Variants in PALD1 observed in about 807,000 individuals in gnomAD.
The protein encoded by PALD1 is paladin.
A neutral mutation model predicts 96.0 loss-of-function variants in PALD1; 57 were observed. That is an observed-to-expected ratio of 0.59 (90% CI 0.48 to 0.74). The LOEUF (loss-of-function observed/expected upper bound fraction) is 0.74, where lower values mean the gene tolerates loss of function less well. PALD1 is among the 30% of genes least tolerant of loss of function. The pLI, the probability that PALD1 is intolerant of heterozygous loss-of-function variation, is 0.00. For synonymous variants in PALD1, 464 were observed against 473.6 expected (o/e 0.98, Z 0.26); for missense variants, 1,063 against 1,143.7 (o/e 0.93, Z 1.02).
intron 1 of PALD1, among the ~76,000 whole-genome samples, chr10:70,479,745 C>G (rs1360565823): frequency 6.6e-6 from 1 of 152,198 alleles, no homozygotes; most frequent in African/African-American, 2.4e-5. Flanking sequence ...CATCTCTACT[C>G]TCCCAGCCAG....
intron 4 of PALD1, among the ~76,000 whole-genome samples, chr10:70,531,043 A>ACG (rs1846979591): frequency 6.6e-6 from 1 of 152,174 alleles, no homozygotes; most frequent in South Asian, 2.1e-4. Context: ...GCAGGAATTA[A>ACG]CGCCAAGAGA....
chr10:70,471,261 G>C, the PALD1 span, among the ~76,000 whole-genome samples: 1 of 152,204 alleles, frequency 6.6e-6, no homozygotes, highest in African/African-American at 2.4e-5. Flanking sequence ...ACTCAGCCTC[G>C]ATAGTATTAT....
chr10:70,491,513 G>A (rs1846098795), intron 1 of PALD1, among the ~76,000 whole-genome samples: 1 of 152,156 alleles, frequency 6.6e-6, no homozygotes, highest in East Asian at 1.9e-4. Context: ...GTAAACACAG[G>A]AGCAAACTTG....
intron 5 of PALD1, among the ~76,000 whole-genome samples, chr10:70,532,269 G>A (rs1331544830): frequency 6.6e-6 from 1 of 152,162 alleles, no homozygotes; most frequent in East Asian, 1.9e-4. Flanking sequence ...AGGCCATGCC[G>A]GCGCCCAGCT....
At position 70,534,451 on chromosome 10, in the gene PALD1, T is replaced by C. The variant is rs1847066257; in HGVS notation, c.1049T>C (p.Leu350Pro). 1 of 1,612,168 alleles carries C rather than the reference T, an allele frequency of 6.2e-7. No individual in the cohort carries two copies. Among genetic ancestry groups the C allele is most frequent in the Admixed American group, 1.7e-5 (1 of 59,800 alleles). The change falls in exon 9 of 20, where the codon CTG (leucine) becomes CCG (proline). Residue 350 changes from leucine (L) to proline (P), a missense_variant. Leu to Pro is a moderately conservative substitution (Grantham distance 98, BLOSUM62 -3). Transcript: ENST00000263563. ...PEAAPTQAKP[L>P]PMEQFQVIQS... ...GCTGCCCCCACGCAGGCCAAGCCCC[T>C]GCCTATGGAGCAGTTCCAGGTGATC...
chr10:70,537,423 AGG>A (rs1049980282), intron 10 of PALD1, among the ~76,000 whole-genome samples: 2 of 152,196 alleles, frequency 1.3e-5, no homozygotes, highest in Non-Finnish European at 2.9e-5. Context: ...TTCTTAAGGG[AGG>A]GCCTCTGGCT....
At chr10:70,528,138 C>T (rs1012722473) in intron 2 of PALD1, among the ~76,000 whole-genome samples, 7 of 116,682 alleles carry the variant, frequency 6.0e-5, no homozygotes, top group African/African-American at 1.9e-4. Flanking sequence ...ACATAGTATT[C>T]CATGGTGTAT....
Position 70,502,910 on chromosome 10 carries a change from C to T in PALD1, c.-29-23013C>T, listed in dbSNP as rs150830722. Among the ~76,000 whole-genome samples the T allele has an allele frequency of 8.5e-3, 1,287 of 152,060 alleles. 18 individuals are homozygous for T. The highest frequency in any genetic ancestry group is 0.029 in the African/African-American group (1,213 of 41,468). ...TCTCTTTTCTTTTCTTTTGGAGTTT[C>T]GCTCTTGTTGCCCAGGCTGCAGTGC... On this transcript the variant is annotated intron_variant, in intron 1 of 19. Transcript: ENST00000263563.
the PALD1 span, among the ~76,000 whole-genome samples, chr10:70,470,503 C>T: frequency 4.1e-5 from 1 of 24,116 alleles, no homozygotes. Flanking sequence ...TGTGTGTATA[C>T]AAGCCTATAA....
At chr10:70,477,477 C>T (rs1291080364), upstream of PALD1, among the ~76,000 whole-genome samples, 1 of 152,226 alleles carries the variant, frequency 6.6e-6, no homozygotes, top group Non-Finnish European at 1.5e-5. Context: ...TTCTCTGCTG[C>T]TGTCCTTTTC....
Position 70,529,870 on chromosome 10 carries a change from T to C in PALD1, c.289-19T>C. 5 of 1,611,700 alleles carry C rather than the reference T, an allele frequency of 3.1e-6. No individual in the cohort carries two copies. The highest frequency in any genetic ancestry group is 4.2e-6 in the Non-Finnish European group (5 of 1,178,586). The stretch of plus-strand genomic sequence containing the variant: ...CCCTGAGCCATCTGAGTGACCTTCC[T>C]GTGGCTCTCCCCTGCCAGGGCCGCT... On this transcript the variant is annotated intron_variant, in intron 3 of 19. Transcript: ENST00000263563.
At chr10:70,509,217 G>T in intron 1 of PALD1, among the ~76,000 whole-genome samples, 1 of 152,262 alleles carries the variant, frequency 6.6e-6, no homozygotes, top group Middle Eastern at 3.4e-3. Flanking sequence ...CCTAGTGTCC[G>T]TTGGGAAAGC....
At chr10:70,488,747 A>G (rs1189540926) in intron 1 of PALD1, among the ~76,000 whole-genome samples, 1 of 152,136 alleles carries the variant, frequency 6.6e-6, no homozygotes, top group African/African-American at 2.4e-5. Flanking sequence ...AGAGATGGGA[A>G]GAAGTCTTCC....
chr10:70,541,610 G>A lies in PALD1; in HGVS notation c.2121+76G>A, dbSNP rs149916206. On this transcript the variant is annotated intron_variant, in intron 17 of 19. Transcript: ENST00000263563. ...GAGGACTCCTGCTTGCCGGTCTAGGGGTCCTCAAAGCACGTCCCAATGCAG... is the reference window on the plus strand; with the variant it reads ...GAGGACTCCTGCTTGCCGGTCTAGGAGTCCTCAAAGCACGTCCCAATGCAG... 9.1e-4 allele frequency: 987 copies of A among 1,083,232 alleles called. 2 individuals carry two copies. Among genetic ancestry groups the A allele is most frequent in the Non-Finnish European group, 1.2e-3 (866 of 714,528 alleles). The allele number at this position is 1,083,232 out of a possible 1,614,324, so 67.1% of individuals were successfully genotyped here.
At chr10:70,518,200 C>G (rs1846655898) in intron 1 of PALD1, among the ~76,000 whole-genome samples, 1 of 152,216 alleles carries the variant, frequency 6.6e-6, no homozygotes, top group South Asian at 2.1e-4. Flanking sequence ...CCACTCCCGG[C>G]CGCTGTGTGG....
chr10:70,460,667 G>C, the PALD1 span, among the ~76,000 whole-genome samples: 1 of 152,050 alleles, frequency 6.6e-6, no homozygotes, highest in Non-Finnish European at 1.5e-5. Flanking sequence ...CCTCCACCCT[G>C]GCCCCCCAGA....
chr10:70,493,487 A>C (rs1846133263), intron 1 of PALD1, among the ~76,000 whole-genome samples: 1 of 152,072 alleles, frequency 6.6e-6, no homozygotes, highest in Admixed American at 6.5e-5. Context: ...CGCTTTCCAC[A>C]ATGGCCTGTG....
intron 18 of PALD1, among the ~76,000 whole-genome samples, chr10:70,549,564 C>CAG (rs1464389954): frequency 6.6e-6 from 1 of 152,246 alleles, no homozygotes; most frequent in South Asian, 2.1e-4. Flanking sequence ...GCAGTGTCCT[C>CAG]AGAGACAGCC....
the PALD1 span, among the ~76,000 whole-genome samples, chr10:70,464,681 A>G: frequency 7.9e-3 from 1,100 of 138,894 alleles, 16 homozygotes; most frequent in African/African-American, 0.028. Context: ...GCTGGAGTGC[A>G]GTGGTGCAGT....
Sources: gnomAD v4.1 joint callset for allele counts (sites outside exome capture counted in the v4.1 genomes callset) on GRCh38, gnomAD v4.1.1 for gene constraint, MANE v1.5 for transcripts, NCBI Gene and HGNC (gene_info 2026-07-23, HGNC 2026-07-21) for gene names.